Variants in PHF13 observed in about 807,000 individuals in gnomAD.
PHF13 encodes PHD zinc finger protein PHF5.
Under a neutral mutation model 25.8 loss-of-function variants are expected in PHF13, and 1 was observed. That is an observed-to-expected ratio of 0.04 (90% CI 0.01 to 0.18). The LOEUF (loss-of-function observed/expected upper bound fraction) is 0.18, where lower values mean the gene tolerates loss of function less well. PHF13 is among the 10% of genes least tolerant of loss of function. The pLI, the probability that PHF13 is intolerant of heterozygous loss-of-function variation, is 1.00. For synonymous variants in PHF13, 195 were observed against 162.4 expected, an observed-to-expected ratio of 1.20 and a Z score of -1.53; for missense variants, 306 against 403.2, an observed-to-expected ratio of 0.76 and a Z score of 2.06.
chr1:6,613,973 C>G lies in PHF13; in HGVS notation c.-94C>G. Reference sequence around the variant, plus strand: ...GACCCCTCCCGGGTCCGCCCTCGCCCTGCGCAGCCGCCCGAGCCCCCAGCC... The same window carrying G: ...GACCCCTCCCGGGTCCGCCCTCGCCGTGCGCAGCCGCCCGAGCCCCCAGCC... On this transcript the variant is annotated 5_prime_UTR_variant, in exon 1 of 4. Coordinates refer to ENST00000377648, the MANE Select transcript of PHF13 (RefSeq NM_153812.3). The G allele has an allele frequency of 2.3e-6, 2 of 883,534 alleles. No homozygotes were observed. The highest frequency in any genetic ancestry group is 3.5e-6 in the Non-Finnish European group (2 of 571,916). 54.7% of individuals were successfully genotyped at this position (883,534 alleles called of 1,614,324 possible). A position where few individuals can be genotyped will look rare whatever the true frequency, so the allele number is the denominator to read the frequency against.
rs1276282816 is a variant in PHF13, at chr1:6,613,772, G to T, written c.-295G>T. On this transcript the variant is annotated 5_prime_UTR_variant, in exon 1 of 4. Coordinates refer to ENST00000377648, the MANE Select transcript of PHF13 (RefSeq NM_153812.3). ...CACGAGCCGAACTGGGCGTCAGGTC[G>T]GGGAGCCGGTCGGGTTCCCGCTCAC... The T allele has an allele frequency of 2.5e-5, 7 of 284,248 alleles. No individual in the cohort carries two copies. The highest frequency in any genetic ancestry group is 4.0e-5 in the Non-Finnish European group (6 of 151,312). The allele number at this position is 284,248 out of a possible 1,614,324, so 17.6% of individuals were successfully genotyped here.
At chr1:6,614,177 ACC>A in intron 1 of PHF13, 72 bp downstream of exon 1, 1 of 1,436,568 alleles carries the variant, frequency 7.0e-7, no homozygotes, top group Non-Finnish European at 9.5e-7. Context: ...AGGCAGCCAG[ACC>A]CCCGGTCGCC....
chr1:6,615,450 G>C (rs1641246286), intron 1 of PHF13, among the ~76,000 whole-genome samples: 1 of 152,164 alleles, frequency 6.6e-6, no homozygotes, highest in South Asian at 2.1e-4. Flanking sequence ...GAACCAGGTT[G>C]AGAAAATAAT....
At chr1:6,620,405 TG>T in intron 3 of PHF13, 68 bp downstream of exon 3, 1 of 1,502,350 alleles carries the variant, frequency 6.7e-7, no homozygotes, top group South Asian at 1.3e-5. Flanking sequence ...TTTTATTAAG[TG>T]GTCATCTCTC....
In PHF13 at chr1:6,620,161, C is replaced by A; in HGVS notation, c.500C>A (p.Pro167His). ...LQDIPQAPSD[P>H]CSGWDSDTPS... ...GATATCCCCCAGGCTCCCAGCGACCCCTGCTCGGGCTGGGACTCCGATACT... is the reference window on the plus strand; with the variant it reads ...GATATCCCCCAGGCTCCCAGCGACCACTGCTCGGGCTGGGACTCCGATACT... The change falls in exon 3 of 4, where the codon CCC (proline) becomes CAC (histidine). Residue 167 changes from proline to histidine, a missense_variant. Around this residue, in one of 5 missense-constraint regions of PHF13, gnomAD observed 186 missense variants for 164.0 expected, o/e 1.13. Transcript: ENST00000377648. 6.2e-7 allele frequency: 1 copy of A among 1,613,934 alleles called. No homozygotes were observed. The highest frequency in any genetic ancestry group is 8.5e-7 in the Non-Finnish European group (1 of 1,180,038).
intron 3 of PHF13, 122 bp downstream of exon 3, chr1:6,620,459 C>A: frequency 8.7e-7 from 1 of 1,149,462 alleles, no homozygotes; most frequent in Non-Finnish European, 1.2e-6. Context: ...GTGACAGCCC[C>A]ACTGTCCAAG....
rs986101850 is a variant in PHF13, at chr1:6,622,910, G to C, written c.*1273G>C. The C allele has an allele frequency of 1.3e-5, 2 of 152,392 alleles. No individual in the cohort carries two copies. Among genetic ancestry groups the C allele is most frequent in the South Asian group, 2.1e-4 (1 of 4,834 alleles). 9.4% of individuals were successfully genotyped at this position (152,392 alleles called of 1,614,324 possible). On this transcript the variant is annotated 3_prime_UTR_variant, in exon 4 of 4. Transcript: ENST00000377648. ...TGGAACACTGGTAGTTCTGGGGCTG[G>C]GAGGGAGAGGGGCTCCGGCTTTCTC...
At position 6,620,048 on chromosome 1, in the gene PHF13, G is replaced by T. The variant is rs775548453; in HGVS notation, c.387G>T (p.Ala129=). 1.9e-6 allele frequency: 3 copies of T among 1,613,608 alleles called. No individual in the cohort carries two copies. Among genetic ancestry groups the T allele is most frequent in the East Asian group, 2.2e-5 (1 of 44,850 alleles). ...AGAGGAAGCGCAGGGACAGTGATGC[G>T]CCTGGGAAAGAGGGGTACAGGGGGG... ...KKKRKRRDSD[A]PGKEGYRGGL... Residue 129 remains alanine (A), a synonymous_variant, in exon 3 of 4, where the codon GCG becomes GCT. Coordinates refer to ENST00000377648, the MANE Select transcript of PHF13 (RefSeq NM_153812.3).
At chr1:6,614,738 C>G (rs1221724127) in intron 1 of PHF13, 2 of 148,140 alleles carry the variant, frequency 1.4e-5, no homozygotes, top group Non-Finnish European at 3.0e-5. Flanking sequence ...TGGCCTCTCT[C>G]TTCGGGCCCC....
chr1:6,614,374 C>T (rs1641220869), intron 1 of PHF13: 2 of 444,482 alleles, frequency 4.5e-6, no homozygotes, highest in African/African-American at 2.1e-5. Context: ...TTCTCTCCCC[C>T]GGGCCGCCCC....
Position 6,622,774 on chromosome 1 carries a change from A to G in PHF13, c.*1137A>G, listed in dbSNP as rs1641359423. 1.3e-5 allele frequency: 2 copies of G among 152,098 alleles called. No homozygotes were observed. The highest frequency in any genetic ancestry group is 2.9e-5 in the Non-Finnish European group (2 of 68,038). The allele number at this position is 152,098 out of a possible 1,614,324, so 9.4% of individuals were successfully genotyped here. On this transcript the variant is annotated 3_prime_UTR_variant, in exon 4 of 4. Transcript: ENST00000377648. ...CTTGGAACTGTGCCGAGTTCCTTAAATCTCAGCTGGGATCCTGGACCTGGG... is the reference window on the plus strand; with the variant it reads ...CTTGGAACTGTGCCGAGTTCCTTAAGTCTCAGCTGGGATCCTGGACCTGGG...
rs761571305 is a variant in PHF13 at position 6,620,863 on chromosome 1, CA to C, written c.677-536del. 1.8e-3 allele frequency among the ~76,000 whole-genome samples: 246 copies of C among 137,366 alleles called. 1 individual carries two copies. Among genetic ancestry groups the C allele is most frequent in the Middle Eastern group, 3.8e-3 (1 of 262 alleles). 90.1% of individuals were successfully genotyped at this position (137,366 alleles called of 152,430 possible). A position where few individuals can be genotyped will look rare whatever the true frequency, so the allele number is the denominator to read the frequency against. On this transcript the variant is annotated intron_variant, in intron 3 of 3. Coordinates refer to ENST00000377648, the MANE Select transcript of PHF13 (RefSeq NM_153812.3). ...TGAAACCCCGACTCTACTAAAGATA[CA>C]AAAAAAAAAAAGAAAAAATTAGCTG...
chr1:6,613,731 G>T lies in PHF13; in HGVS notation c.-336G>T. 4 of 155,392 alleles carry T rather than the reference G, an allele frequency of 2.6e-5. No individual in the cohort carries two copies. The South Asian group carries it at 4.5e-4, about 17-fold the overall frequency. 9.6% of individuals were successfully genotyped at this position (155,392 alleles called of 1,614,324 possible). On this transcript the variant is annotated 5_prime_UTR_variant, in exon 1 of 4. Coordinates refer to ENST00000377648, the MANE Select transcript of PHF13 (RefSeq NM_153812.3). The stretch of plus-strand genomic sequence containing the variant: ...TCCCGACAGGCCTCCCGGCTCTCCC[G>T]CCCTCCCTCCCGAGACACGAGCCGA...
At chr1:6,617,255 T>C (rs1237614664) in intron 2 of PHF13, among the ~76,000 whole-genome samples, 1 of 151,980 alleles carries the variant, frequency 6.6e-6, no homozygotes, top group Non-Finnish European at 1.5e-5. Context: ...CTAATTCTTT[T>C]TTGTATTTTT....
In PHF13 at chr1:6,621,099, G is replaced by C. The variant is rs2148710867; in HGVS notation, c.677-312G>C. Among the ~76,000 whole-genome samples the C allele has an allele frequency of 6.6e-6, 1 of 151,754 alleles. No individual in the cohort carries two copies. Among genetic ancestry groups the C allele is most frequent in the African/African-American group, 2.4e-5 (1 of 41,376 alleles). ...TGTAGTCCCAGCTATTTGGGAGGCT[G>C]AGGTGGGAGGATGGCTTGACTGCAG... On this transcript the variant is annotated intron_variant, in intron 3 of 3. Coordinates refer to ENST00000377648, the MANE Select transcript of PHF13 (RefSeq NM_153812.3). The surrounding 1 kb of genome is among the most constrained non-coding windows in gnomAD (Gnocchi z 4.8).
chr1:6,616,136 C>A (rs566997073), intron 1 of PHF13, among the ~76,000 whole-genome samples: 2 of 145,264 alleles, frequency 1.4e-5, no homozygotes, highest in East Asian at 4.2e-4. Flanking sequence ...TCACGCGATT[C>A]TCCTGCCTCA....
intron 2 of PHF13, among the ~76,000 whole-genome samples, 200 bp from the exon 3 acceptor site, chr1:6,619,603 T>C (rs1335602779): frequency 1.3e-5 from 2 of 152,132 alleles, no homozygotes; most frequent in Non-Finnish European, 2.9e-5. Flanking sequence ...CGTCCCAGAG[T>C]GCTGGGATTA....
chr1:6,614,933 C>T (rs1467289992), intron 1 of PHF13, among the ~76,000 whole-genome samples: 1 of 151,348 alleles, frequency 6.6e-6, no homozygotes, highest in Non-Finnish European at 1.5e-5. Flanking sequence ...GCGCCGGAGC[C>T]CGCCGGTCTC....
At chr1:6,618,241 C>T (rs959958575) in intron 2 of PHF13, among the ~76,000 whole-genome samples, 3 of 151,804 alleles carry the variant, frequency 2.0e-5, no homozygotes, top group Admixed American at 1.3e-4. Flanking sequence ...CTGAAGTGAT[C>T]CTCCCACCTC....
Sources: gnomAD v4.1 joint callset for allele counts (sites outside exome capture counted in the v4.1 genomes callset) on GRCh38, gnomAD v4.1.1 for gene constraint, gnomAD v4.1.1 regional missense constraint, Gnocchi (gnomAD v3.1) non-coding constraint, MANE v1.5 for transcripts, NCBI Gene and HGNC (gene_info 2026-07-23, HGNC 2026-07-21) for gene names.